MARCO: variants seen among roughly 807,000 people sequenced by gnomAD.
The protein encoded by MARCO is macrophage receptor MARCO.
MARCO carries 72 observed loss-of-function variants against 70.0 expected under a neutral mutation model. That is an observed-to-expected ratio of 1.03 (90% CI 0.85 to 1.25). The LOEUF is 1.25. MARCO is among the 50% of genes most tolerant of loss of function. MARCO has a pLI of 0.00. For missense variants in MARCO, 696 were observed against 659.3 expected (o/e 1.06, Z -0.61); for synonymous variants, 273 against 243.1 (o/e 1.12, Z -1.14).
intron 1 of MARCO, among the ~76,000 whole-genome samples, chr2:118,955,195 T>TA (rs1191081434): frequency 6.6e-6 from 1 of 151,926 alleles, no homozygotes; most frequent in African/African-American, 2.4e-5. Flanking sequence ...CAAGGAAATC[T>TA]AAAAAATTAT....
At chr2:118,947,862 G>A (rs112354062) in intron 1 of MARCO, among the ~76,000 whole-genome samples, 2,649 of 152,116 alleles carry the variant, frequency 0.017, 83 homozygotes, top group South Asian at 0.12. Context: ...GCTTGTCTAC[G>A]GTTACAAAAA....
At chr2:118,966,503 G>A (rs1196533755) in intron 1 of MARCO, among the ~76,000 whole-genome samples, 2 of 152,130 alleles carry the variant, frequency 1.3e-5, no homozygotes, top group African/African-American at 4.8e-5. Context: ...TAGGTCTACA[G>A]GCTCAACATT....
At chr2:118,988,616 G>A (rs1680559848) in intron 12 of MARCO, among the ~76,000 whole-genome samples, 2 of 152,068 alleles carry the variant, frequency 1.3e-5, no homozygotes, top group Non-Finnish European at 2.9e-5. Flanking sequence ...CTCCCTGGAT[G>A]TGGACTGTTT....
intron 4 of MARCO, among the ~76,000 whole-genome samples, 156 bp downstream of exon 4, chr2:118,971,690 GT>G (rs1680175175): frequency 6.6e-6 from 1 of 152,146 alleles, no homozygotes; most frequent in South Asian, 2.1e-4. Context: ...TCTCCTCTCT[GT>G]TCCCAGAACT....
In MARCO at chr2:118,977,771, G is replaced by A. The variant is rs1680313015; in HGVS notation, c.659-57G>A. The A allele has an allele frequency of 6.5e-6, 9 of 1,374,364 alleles. No individual in the cohort carries two copies. In the East Asian group the frequency reaches 2.2e-4, roughly 33 times the overall value. The allele number at this position is 1,374,364 out of a possible 1,614,324, so 85.1% of individuals were successfully genotyped here. A position where few individuals can be genotyped will look rare whatever the true frequency, so the allele number is the denominator to read the frequency against. On this transcript the variant is annotated intron_variant, in intron 7 of 16. Transcript: ENST00000327097. ...AATGCTTCCTGCCCCTTTGCCTCTG[G>A]TAGCCTGTCCCCAAAAGGATAGTGG...
At position 118,994,423 on chromosome 2, in the gene MARCO, G is replaced by A. The variant is rs371994323; in HGVS notation, c.1466G>A (p.Arg489Gln). The A allele has an allele frequency of 2.9e-4, 476 of 1,613,952 alleles. No individual in the cohort carries two copies. The highest frequency in any genetic ancestry group is 3.9e-4 in the Non-Finnish European group (455 of 1,180,002). The change falls in exon 17 of 17, where the codon CGG becomes CAG. Residue 489 changes from arginine (R) to glutamine (Q), a missense_variant. By Grantham distance (43) the Arg-to-Gln change is conservative (BLOSUM62 1). This residue lies in a region of MARCO where 58 missense variants were observed against 62.1 expected (regional missense o/e 0.93). Transcript: ENST00000327097. Reference protein sequence around the residue: ...GQIWLDNVQCRGTESTLWSCT... With the variant: ...GQIWLDNVQCQGTESTLWSCT... Reference sequence around the variant, plus strand: ...ATCTGGCTGGATAATGTTCAGTGTCGGGGCACGGAGAGTACCCTGTGGAGC... The same window carrying A: ...ATCTGGCTGGATAATGTTCAGTGTCAGGGCACGGAGAGTACCCTGTGGAGC...
At chr2:118,955,422 A>G (rs1201615714) in intron 1 of MARCO, among the ~76,000 whole-genome samples, 2 of 152,176 alleles carry the variant, frequency 1.3e-5, no homozygotes, top group Non-Finnish European at 2.9e-5. Flanking sequence ...GAGTAAAAAA[A>G]TATGAACAAA....
intron 12 of MARCO, among the ~76,000 whole-genome samples, chr2:118,985,431 T>A (rs1680467077): frequency 6.6e-6 from 1 of 152,166 alleles, no homozygotes. Flanking sequence ...TGCTTCCTCT[T>A]GTTTGCATCT....
rs902577597 is a variant in MARCO at position 118,977,452 on chromosome 2, C to G, written c.614-19C>G. 6.2e-7 allele frequency: 1 copy of G among 1,612,188 alleles called. No homozygotes were observed. The highest frequency in any genetic ancestry group is 8.5e-7 in the Non-Finnish European group (1 of 1,178,284). On this transcript the variant is annotated intron_variant, in intron 6 of 16. Transcript: ENST00000327097. ...ATTCTCAGGCCACAGCAACTGAGCT[C>G]TTTTTTCCTTCCTCACAGGCCTCCA...
At chr2:118,972,176 G>A (rs1029562447) in intron 4 of MARCO, among the ~76,000 whole-genome samples, 1 of 152,186 alleles carries the variant, frequency 6.6e-6, no homozygotes, top group Non-Finnish European at 1.5e-5. Flanking sequence ...TCTGACAATG[G>A]CATGTGCTCT....
intron 1 of MARCO, among the ~76,000 whole-genome samples, chr2:118,963,815 C>T (rs1163551276): frequency 1.3e-5 from 2 of 152,236 alleles, no homozygotes; most frequent in Admixed American, 1.3e-4. Context: ...TACAGTTTGG[C>T]AATATCCGTC....
intron 14 of MARCO, 76 bp from the exon 15 acceptor site, chr2:118,992,356 C>T (rs112144722): frequency 8.1e-7 from 1 of 1,232,614 alleles, no homozygotes; most frequent in South Asian, 1.2e-5. Flanking sequence ...CCACCCGCTC[C>T]CCACTCATGC....
chr2:118,978,734 GAC>G (rs1680334601), intron 8 of MARCO, among the ~76,000 whole-genome samples: 2 of 152,204 alleles, frequency 1.3e-5, no homozygotes, highest in South Asian at 4.1e-4. Flanking sequence ...TATTTTACAA[GAC>G]AGTAATAAGG....
intron 1 of MARCO, among the ~76,000 whole-genome samples, chr2:118,944,275 C>G (rs1573369310): frequency 6.6e-6 from 1 of 152,244 alleles, no homozygotes; most frequent in Non-Finnish European, 1.5e-5. Flanking sequence ...AAAACCAAAA[C>G]TACTCCAATT....
intron 16 of MARCO, 105 bp downstream of exon 16, chr2:118,993,405 A>C: frequency 8.4e-7 from 1 of 1,191,804 alleles, no homozygotes; most frequent in Non-Finnish European, 1.2e-6. Flanking sequence ...TCTTTAAAAG[A>C]AAAATATTGG....
chr2:118,948,635 A>G (rs998590933), intron 1 of MARCO, among the ~76,000 whole-genome samples: 2 of 152,218 alleles, frequency 1.3e-5, no homozygotes, highest in Non-Finnish European at 2.9e-5. Context: ...GGAAATTTTT[A>G]CTTTCTACAA....
intron 13 of MARCO, 109 bp downstream of exon 13, chr2:118,990,742 A>C (rs1573411089): frequency 1.8e-6 from 2 of 1,092,862 alleles, no homozygotes; most frequent in East Asian, 4.8e-5. Context: ...CCTTCTCCCA[A>C]AGTGGAGGTT....
intron 4 of MARCO, 123 bp downstream of exon 4, chr2:118,971,657 A>G: frequency 2.2e-6 from 2 of 923,666 alleles, no homozygotes; most frequent in Non-Finnish European, 3.4e-6. Flanking sequence ...CTGTCTCCAC[A>G]GCCTCCTTTG....
intron 6 of MARCO, 88 bp from the exon 7 acceptor site, chr2:118,977,383 A>T: frequency 9.0e-7 from 1 of 1,109,736 alleles, no homozygotes; most frequent in South Asian, 1.3e-5. Flanking sequence ...ACCTTGCTCA[A>T]CTAAGGGAAT....
Sources: gnomAD v4.1 joint callset for allele counts (sites outside exome capture counted in the v4.1 genomes callset) on GRCh38, gnomAD v4.1.1 for gene constraint, gnomAD v4.1.1 regional missense constraint, MANE v1.5 for transcripts, NCBI Gene and HGNC (gene_info 2026-07-23, HGNC 2026-07-21) for gene names.